HELZ2: variants seen among roughly 807,000 people sequenced by gnomAD.
HELZ2 encodes 3'-5' exoribonuclease HELZ2.
Under a neutral mutation model 208.8 loss-of-function variants are expected in HELZ2, and 143 were observed. The ratio of observed to expected loss-of-function variants is 0.68; its 90% CI spans 0.60 to 0.79. The LOEUF is 0.79. HELZ2 is among the 30% of genes least tolerant of loss of function. The probability of loss-of-function intolerance (pLI) is 0.00; values close to 1 mark genes in which losing one functional copy is unlikely to be tolerated. For synonymous variants in HELZ2, 1,705 were observed against 1,693.7 expected (o/e 1.01, Z -0.16); for missense variants, 3,690 against 3,794.5 (o/e 0.97, Z 0.72).
chr20:63,564,970 C>A, exon 8 of HELZ2: 1 of 1,604,690 alleles, frequency 6.2e-7, no homozygotes, highest in Non-Finnish European at 8.5e-7. Context: ...GCAGCACCTC[C>A]CGGACGATGC....
At chr20:63,568,809 C>T (rs767624343) in exon 5 of HELZ2, 13 of 1,612,172 alleles carry the variant, frequency 8.1e-6, no homozygotes, top group African/African-American at 1.3e-5. Flanking sequence ...ACCGTATTGT[C>T]GGGTGCAGGT....
exon 8 of HELZ2, chr20:63,563,015 C>T (rs760611555): frequency 3.1e-5 from 50 of 1,600,278 alleles, no homozygotes; most frequent in Middle Eastern, 1.6e-4. Flanking sequence ...ATCCACGTCG[C>T]GGTACCGGTC....
exon 8 of HELZ2, chr20:63,563,654 C>T (rs534898984): frequency 7.1e-6 from 11 of 1,555,644 alleles, no homozygotes; most frequent in South Asian, 4.7e-5. Flanking sequence ...GCTGCGCGCC[C>T]GCCGCTGATA....
At chr20:63,567,006 G>T in exon 6 of HELZ2, 1 of 1,611,030 alleles carries the variant, frequency 6.2e-7, no homozygotes. Flanking sequence ...TGCCCGCCAC[G>T]TGGCAGAACA....
At chr20:63,566,780 C>T (rs1001125454) in intron 6 of HELZ2, 64 bp downstream of exon 7, 75 of 1,457,364 alleles carry the variant, frequency 5.1e-5, no homozygotes, top group African/African-American at 9.8e-5. Flanking sequence ...GTCCATCAGC[C>T]GGAGAGCTCC....
chr20:63,571,168 C>T, intron 1 of HELZ2: 1 of 327,140 alleles, frequency 3.1e-6, no homozygotes, highest in Non-Finnish European at 5.4e-6. Flanking sequence ...CCGCTCCAAG[C>T]TCCTGGGAAC....
intron 3 of HELZ2, 68 bp from the exon 5 acceptor site, chr20:63,569,733 C>A: frequency 7.1e-7 from 1 of 1,418,334 alleles, no homozygotes; most frequent in Non-Finnish European, 9.2e-7. Flanking sequence ...GGCAGCCTGG[C>A]CAGCGTAGCC....
exon 17 of HELZ2, chr20:63,560,279 C>T (rs2082871574): frequency 6.4e-7 from 1 of 1,564,938 alleles, no homozygotes; most frequent in African/African-American, 1.4e-5. Context: ...ACGGCGATGT[C>T]CTGGGGCTCT....
chr20:63,568,865 C>T, exon 5 of HELZ2: 1 of 1,612,206 alleles, frequency 6.2e-7, no homozygotes, highest in Non-Finnish European at 8.5e-7. Flanking sequence ...CAGCAGGAAG[C>T]CCTGGTCTGT....
In HELZ2 at chr20:63,560,039, G is replaced by C. The variant is rs367998415; in HGVS notation, c.7714C>G (p.Leu2572Val). Residue 2572 changes from leucine (L) to valine (V), a missense_variant, in exon 18 of 19, where the codon CTG becomes GTG. This residue lies in a region of HELZ2 where 2,564 missense variants were observed against 2,580.5 expected (regional missense o/e 0.99). Coordinates refer to ENST00000467148, the Ensembl canonical transcript of HELZ2. ...CAGCTCTTGGTGGGCCGCTGGTCCAGGTCGCTCTTGGCACAGGTGCGGACG... is the reference window on the plus strand; with the variant it reads ...CAGCTCTTGGTGGGCCGCTGGTCCACGTCGCTCTTGGCACAGGTGCGGACG... 11 of 1,610,938 alleles carry C rather than the reference G, an allele frequency of 6.8e-6. No individual in the cohort carries two copies. In the African/African-American group the frequency reaches 1.5e-4, roughly 22 times the overall value.
exon 8 of HELZ2, chr20:63,565,402 C>T (rs1600976336): frequency 5.0e-6 from 8 of 1,610,688 alleles, no homozygotes; most frequent in Non-Finnish European, 5.9e-6. Context: ...CTGACGCCCG[C>T]TCGAAGGTCT....
chr20:63,562,825 G>C (rs150137145), exon 8 of HELZ2: 42 of 1,610,408 alleles, frequency 2.6e-5, no homozygotes, highest in Admixed American at 8.4e-5. Flanking sequence ...AGTTGATGTC[G>C]GCACAGTTCT....
chr20:63,563,915 C>T (rs114095363), exon 8 of HELZ2: 143 of 1,593,252 alleles, frequency 9.0e-5, no homozygotes, highest in African/African-American at 3.5e-4. Context: ...GCGGAGGTCG[C>T]GGCCTGCAGG....
exon 8 of HELZ2, chr20:63,563,084 A>G: frequency 6.3e-6 from 10 of 1,598,478 alleles, no homozygotes; most frequent in Non-Finnish European, 8.5e-6. Flanking sequence ...CACGTGCTCC[A>G]GGCAGAGGCT....
exon 8 of HELZ2, chr20:63,565,429 G>A (rs1432709526): frequency 1.2e-6 from 2 of 1,610,802 alleles, no homozygotes; most frequent in Non-Finnish European, 1.7e-6. Flanking sequence ...CGAAAGAGCA[G>A]TGGCGGTACC....
chr20:63,564,136 C>T, exon 8 of HELZ2: 1 of 1,611,836 alleles, frequency 6.2e-7, no homozygotes, highest in Non-Finnish European at 8.5e-7. Flanking sequence ...GGGCCTTGAG[C>T]TGCTGGCTGC....
intron 1 of HELZ2, 63 bp downstream of exon 2, chr20:63,572,045 C>A (rs2083020453): frequency 6.6e-7 from 1 of 1,510,276 alleles, no homozygotes; most frequent in Non-Finnish European, 8.9e-7. Context: ...CTCCTGGGAA[C>A]CTCTGGTTCT....
At chr20:63,567,257 G>A (rs774793421) in exon 6 of HELZ2, 9 of 1,608,778 alleles carry the variant, frequency 5.6e-6, no homozygotes, top group Admixed American at 1.7e-5. Context: ...AACAGCCGGG[G>A]TGTGACCTGC....
At chr20:63,567,698 T>A in intron 5 of HELZ2, 71 bp from the exon 7 acceptor site, 1 of 1,516,482 alleles carries the variant, frequency 6.6e-7, no homozygotes, top group Non-Finnish European at 8.8e-7. Context: ...GCACCTACTG[T>A]GTGCCCAGCC....
Sources: allele counts gnomAD v4.1 joint callset, GRCh38; gene constraint gnomAD v4.1.1; regional missense constraint gnomAD v4.1.1; transcripts MANE v1.5; gene names NCBI Gene and HGNC (gene_info 2026-07-23, HGNC 2026-07-21).